Variants in LNPEP observed in about 807,000 individuals in gnomAD.
The protein encoded by LNPEP is leucyl and cystinyl aminopeptidase.
In LNPEP, 64 loss-of-function variants were observed where a neutral mutation model predicts 120.6. The observed-to-expected ratio is 0.53, with a 90% CI of 0.43 to 0.65. LNPEP has a LOEUF of 0.65. Ranked by LOEUF, LNPEP falls within the 30% of genes least tolerant of loss-of-function variation. The pLI is 0.00. For missense variants in LNPEP, 1,057 were observed against 1,200.0 expected, an observed-to-expected ratio of 0.88 and a Z score of 1.76; for synonymous variants, 435 against 425.4, an observed-to-expected ratio of 1.02 and a Z score of -0.28.
intron 1 of LNPEP, among the ~76,000 whole-genome samples, chr5:96,976,180 G>C (rs2112601702): frequency 1.3e-5 from 2 of 152,114 alleles, no homozygotes; most frequent in Middle Eastern, 3.4e-3. Context: ...GTATCTTCAT[G>C]GGATACCTGT....
chr5:97,009,535 A>G (rs1249522135), intron 11 of LNPEP, among the ~76,000 whole-genome samples: 1 of 152,244 alleles, frequency 6.6e-6, no homozygotes, highest in African/African-American at 2.4e-5. Context: ...TGATAAAATG[A>G]TGTTTTCTTT....
chr5:96,977,340 A>G (rs1171459279), intron 1 of LNPEP, among the ~76,000 whole-genome samples: 1 of 151,998 alleles, frequency 6.6e-6, no homozygotes, highest in East Asian at 1.9e-4. Context: ...ATGACACTGC[A>G]AGCAGAGGGA....
chr5:96,997,946 T>A, intron 7 of LNPEP, 68 bp from the exon 8 acceptor site: 1 of 1,148,040 alleles, frequency 8.7e-7, no homozygotes, highest in Non-Finnish European at 1.2e-6. Flanking sequence ...CTAATTCACA[T>A]AAATAATTTA....
intron 1 of LNPEP, among the ~76,000 whole-genome samples, chr5:96,955,247 A>G (rs983736222): frequency 1.3e-5 from 2 of 152,154 alleles, no homozygotes; most frequent in African/African-American, 4.8e-5. Flanking sequence ...ATATAATTTT[A>G]TGTAAATGGA....
rs896504053 is a variant in LNPEP at position 97,030,542 on chromosome 5, T to G, written c.*2009T>G. The G allele has an allele frequency of 1.2e-4, 18 of 152,238 alleles. No homozygotes were observed. The highest frequency in any genetic ancestry group is 7.7e-4 in the East Asian group (4 of 5,186). The allele number at this position is 152,238 out of a possible 1,614,324, so 9.4% of individuals were successfully genotyped here. On this transcript the variant is annotated 3_prime_UTR_variant, in exon 18 of 18. Transcript: ENST00000231368. ...TACCTGTGCTTCTTGACATCGCTCC[T>G]ATAATGTATGTTAGTTAACTCTGCA... is the stretch of plus-strand genomic sequence containing the variant.
chr5:96,983,680 C>T (rs56179706), intron 2 of LNPEP, among the ~76,000 whole-genome samples: 49 of 152,298 alleles, frequency 3.2e-4, no homozygotes, highest in African/African-American at 1.1e-3. Context: ...CTCCTGATCT[C>T]AAGTGATCCG....
intron 14 of LNPEP, among the ~76,000 whole-genome samples, chr5:97,023,253 CTTTCT>C (rs1220522769): frequency 6.6e-6 from 1 of 151,832 alleles, no homozygotes; most frequent in African/African-American, 2.4e-5. Flanking sequence ...TTCTTTCTTT[CTTTCT>C]TTTCTTTTTT....
intron 1 of LNPEP, among the ~76,000 whole-genome samples, chr5:96,965,511 T>C (rs541969229): frequency 1.3e-5 from 2 of 152,316 alleles, no homozygotes; most frequent in South Asian, 4.1e-4. Flanking sequence ...TAACTCAGTT[T>C]TCATAAAAAC....
At chr5:97,016,122 AC>A (rs1429925020) in intron 13 of LNPEP, among the ~76,000 whole-genome samples, 2 of 152,040 alleles carry the variant, frequency 1.3e-5, no homozygotes, top group East Asian at 3.9e-4. Context: ...TTCTGATCTG[AC>A]CCCAAAGGAG....
At chr5:97,002,591 A>C (rs1195976281) in intron 8 of LNPEP, among the ~76,000 whole-genome samples, 1 of 152,200 alleles carries the variant, frequency 6.6e-6, no homozygotes, top group East Asian at 1.9e-4. Flanking sequence ...TTCATTCAAA[A>C]ACTACTAGAG....
rs761580978 is a variant in LNPEP, at chr5:97,028,441, C to T, written c.2986C>T (p.Arg996Trp). 2.0e-5 allele frequency: 33 copies of T among 1,613,800 alleles called. No individual in the cohort carries two copies. Among genetic ancestry groups the T allele is most frequent in the African/African-American group, 2.7e-5 (2 of 75,060 alleles). The stretch of plus-strand genomic sequence containing the variant: ...TGAAAATCAGTCAGAGGCAACCTTC[C>T]GGCTTCGTTGTGTCCAGGAGGCTTT... ...FFENQSEATF[R>W]LRCVQEALEV... Residue 996 changes from arginine (R) to tryptophan (W), a missense_variant, in exon 18 of 18, where the codon CGG becomes TGG. Physicochemically the swap from Arg to Trp is moderately radical, Grantham distance 101. Transcript: ENST00000231368.
intron 15 of LNPEP, 75 bp from the exon 16 acceptor site, chr5:97,026,542 T>G (rs756116460): frequency 3.4e-6 from 4 of 1,192,676 alleles, no homozygotes; most frequent in East Asian, 2.4e-5. Flanking sequence ...GAAACCATAC[T>G]AATTTTAATT....
chr5:97,014,723 A>T (rs774532164), intron 12 of LNPEP, among the ~76,000 whole-genome samples: 1 of 152,204 alleles, frequency 6.6e-6, no homozygotes, highest in African/African-American at 2.4e-5. Flanking sequence ...AAAATGAGCT[A>T]TTGTTTATCT....
intron 4 of LNPEP, among the ~76,000 whole-genome samples, 158 bp from the exon 5 acceptor site, chr5:96,992,857 T>A (rs1323486186): frequency 1.3e-5 from 2 of 152,174 alleles, no homozygotes; most frequent in Non-Finnish European, 2.9e-5. Context: ...TGGTAAACTC[T>A]GTTGGGACTA....
chr5:97,013,630 T>A lies in LNPEP; in HGVS notation c.2036-18T>A, dbSNP rs531343686. On this transcript the variant is annotated intron_variant, in intron 11 of 17. Coordinates refer to ENST00000231368, the MANE Select transcript of LNPEP (RefSeq NM_005575.3). ...ATTGTCTTCTCTCTCAATCTCTCAT[T>A]TTTTTGGTTTCCATTAGGTGTCATC... 2 of 1,406,808 alleles carry A rather than the reference T, an allele frequency of 1.4e-6. No individual in the cohort carries two copies. Among genetic ancestry groups the A allele is most frequent in the South Asian group, 3.5e-5 (2 of 56,532 alleles). The allele number at this position is 1,406,808 out of a possible 1,614,324, so 87.1% of individuals were successfully genotyped here.
At chr5:97,028,281 T>C in intron 17 of LNPEP, 121 bp from the exon 18 acceptor site, 1 of 857,720 alleles carries the variant, frequency 1.2e-6, no homozygotes, top group South Asian at 1.4e-5. Flanking sequence ...AGTACTTCTT[T>C]CTACTGCTTT....
At chr5:96,949,428 A>C (rs924189132) in intron 1 of LNPEP, among the ~76,000 whole-genome samples, 11 of 152,174 alleles carry the variant, frequency 7.2e-5, no homozygotes, top group African/African-American at 2.7e-4. Flanking sequence ...ATGCCTGATG[A>C]TCTGAGGTGT....
At chr5:97,027,354 A>G (rs865823061) in intron 16 of LNPEP, among the ~76,000 whole-genome samples, 24 of 150,548 alleles carry the variant, frequency 1.6e-4, no homozygotes, top group African/African-American at 5.6e-4. Flanking sequence ...CTCCGTCTCA[A>G]AAAAAAAAAA....
chr5:96,956,975 T>G (rs1789483768), intron 1 of LNPEP, among the ~76,000 whole-genome samples: 1 of 152,208 alleles, frequency 6.6e-6, no homozygotes, highest in Non-Finnish European at 1.5e-5. Context: ...TGTTTAAAAA[T>G]TTTATTTTGG....
Sources: allele counts gnomAD v4.1 joint callset (sites outside exome capture counted in the v4.1 genomes callset), GRCh38; gene constraint gnomAD v4.1.1; transcripts MANE v1.5; gene names NCBI Gene and HGNC (gene_info 2026-07-23, HGNC 2026-07-21).